The following SYNE3 variants were observed in gnomAD, a reference collection of about 807,000 sequenced individuals.
The protein encoded by SYNE3 is spectrin repeat containing nuclear envelope family member 3.
Under a neutral mutation model 111.2 loss-of-function variants are expected in SYNE3, and 100 were observed. That is an observed-to-expected ratio of 0.90 (90% CI 0.77 to 1.06). The LOEUF (loss-of-function observed/expected upper bound fraction) is 1.06. Ranked by LOEUF, SYNE3 falls within the 50% of genes least tolerant of loss-of-function variation. The probability of loss-of-function intolerance (pLI) is 0.00; values close to 1 mark genes in which losing one functional copy is unlikely to be tolerated. For missense variants in SYNE3, 1,160 were observed against 1,240.3 expected (o/e 0.94, Z 0.97); for synonymous variants, 547 against 533.9 (o/e 1.02, Z -0.34).
chr14:95,484,154 A>T (rs1889413093), intron 1 of SYNE3, among the ~76,000 whole-genome samples: 1 of 152,196 alleles, frequency 6.6e-6, no homozygotes, highest in Non-Finnish European at 1.5e-5. Context: ...GGCAACACAC[A>T]AATACAGGTG....
At position 95,449,128 on chromosome 14, in the gene SYNE3, G is replaced by A. The variant is rs192896844; in HGVS notation, c.1449+803C>T. On this transcript the variant is annotated intron_variant, in intron 8 of 17. Coordinates refer to ENST00000682763, the MANE Select transcript of SYNE3 (RefSeq NM_152592.6). ...GGCACACTGGGGACACCACAGTGACGGGCATCATGAAAGATGTTGTCTTCT... is the reference window on the plus strand; with the variant it reads ...GGCACACTGGGGACACCACAGTGACAGGCATCATGAAAGATGTTGTCTTCT... Among the ~76,000 whole-genome samples the A allele has an allele frequency of 3.9e-5, 6 of 152,256 alleles. No individual in the cohort carries two copies. In the South Asian group the frequency reaches 6.2e-4, roughly 16 times the overall value.
intron 1 of SYNE3, among the ~76,000 whole-genome samples, chr14:95,484,518 G>A (rs1307779935): frequency 2.0e-5 from 3 of 152,206 alleles, no homozygotes; most frequent in Admixed American, 6.5e-5. Flanking sequence ...TCTGCTGCAG[G>A]TCAGAGAGCA....
intron 4 of SYNE3, among the ~76,000 whole-genome samples, chr14:95,460,544 T>G (rs112011006): frequency 6.6e-6 from 1 of 152,120 alleles, no homozygotes; most frequent in Non-Finnish European, 1.5e-5. Context: ...AAAGTTATAG[T>G]AACTGAAATG....
chr14:95,496,916 A>G (rs367799801), intron 1 of SYNE3, among the ~76,000 whole-genome samples: 18 of 152,282 alleles, frequency 1.2e-4, no homozygotes, highest in African/African-American at 4.1e-4. Flanking sequence ...CTTACACCCA[A>G]ATGGTATTTT....
intron 17 of SYNE3, among the ~76,000 whole-genome samples, chr14:95,419,496 C>T (rs1740642): frequency 0.29 from 44,260 of 151,832 alleles, 7,087 homozygotes; most frequent in African/African-American, 0.41. Context: ...TGACATTCAT[C>T]ACTATTAATA....
At chr14:95,477,177 G>A (rs897009443) in intron 1 of SYNE3, among the ~76,000 whole-genome samples, 25 of 152,218 alleles carry the variant, frequency 1.6e-4, no homozygotes, top group Non-Finnish European at 2.2e-4. Context: ...CAGGAGGATC[G>A]CTTGAGCCCA....
rs1453517630 is a variant in SYNE3 at position 95,475,735 on chromosome 14, G to A, written c.87C>T (p.Val29=). 6.2e-7 allele frequency: 1 copy of A among 1,607,558 alleles called. No homozygotes were observed. The highest frequency in any genetic ancestry group is 1.3e-5 in the African/African-American group (1 of 74,818). The change falls in exon 2 of 18, where the codon GTC becomes GTT. Residue 29 remains valine (V), a synonymous_variant. Coordinates refer to ENST00000682763, the MANE Select transcript of SYNE3 (RefSeq NM_152592.6). ...CGCGGGGTCCCTGCGTGTTGTCATTGACCTGCAGCTGGTCCTGCACAGCCT... is the reference window on the plus strand; with the variant it reads ...CGCGGGGTCCCTGCGTGTTGTCATTAACCTGCAGCTGGTCCTGCACAGCCT... ...WMKAVQDQLQ[V]NDNTQGPRAA...
chr14:95,436,803 T>C lies in SYNE3; in HGVS notation c.2538+17A>G, dbSNP rs765842954. 2.5e-6 allele frequency: 4 copies of C among 1,612,986 alleles called. No individual in the cohort carries two copies. The highest frequency in any genetic ancestry group is 2.5e-6 in the Non-Finnish European group (3 of 1,179,748). On this transcript the variant is annotated intron_variant, in intron 15 of 17. Transcript: ENST00000682763. The stretch of plus-strand genomic sequence containing the variant: ...GTGCAAACCTTATGGATGAGGGACC[T>C]TTCCTGGGGAACAGACCTGCAGCTT...
chr14:95,429,069 G>A (rs1355909624), intron 17 of SYNE3, among the ~76,000 whole-genome samples: 23 of 152,234 alleles, frequency 1.5e-4, no homozygotes, highest in Admixed American at 1.4e-3. Context: ...ACGTGCATGC[G>A]TGCGCATAAC....
At chr14:95,454,033 C>G (rs138024218) in intron 6 of SYNE3, among the ~76,000 whole-genome samples, 1 of 152,236 alleles carries the variant, frequency 6.6e-6, no homozygotes, top group Non-Finnish European at 1.5e-5. Flanking sequence ...CCTGACCAGA[C>G]GCTGGATAAG....
At chr14:95,449,880 C>T (rs779986133) in intron 8 of SYNE3, 51 bp downstream of exon 8, 40 of 1,531,712 alleles carry the variant, frequency 2.6e-5, no homozygotes, top group Non-Finnish European at 3.5e-5. Flanking sequence ...AAACACCATG[C>T]CCCGCCAGTG....
chr14:95,479,168 G>C (rs1889073264), intron 1 of SYNE3, among the ~76,000 whole-genome samples: 1 of 146,778 alleles, frequency 6.8e-6, no homozygotes, highest in Non-Finnish European at 1.5e-5. Flanking sequence ...GCTGATACGG[G>C]AGGATCACTT....
At chr14:95,488,822 A>G (rs369521794) in intron 1 of SYNE3, among the ~76,000 whole-genome samples, 15 of 151,998 alleles carry the variant, frequency 9.9e-5, no homozygotes, top group African/African-American at 3.4e-4. Context: ...GTGAATTCCA[A>G]TTCCTGCACG....
At position 95,483,798 on chromosome 14, in the gene SYNE3, T is replaced by C. The variant is rs561082845; in HGVS notation, c.-14-7963A>G. Among the ~76,000 whole-genome samples the C allele has an allele frequency of 7.1e-4, 108 of 152,278 alleles. 3 individuals are homozygous for C. The South Asian group carries it at 0.022, about 31-fold the overall frequency. ...AGGTTAAGGGACTGCACCAAAGCCA[T>C]GCGGGCTGCAGGGCCACGCCACCCT... is the stretch of plus-strand genomic sequence containing the variant. On this transcript the variant is annotated intron_variant, in intron 1 of 17. Transcript: ENST00000682763.
At chr14:95,482,611 A>T (rs1447078996) in intron 1 of SYNE3, among the ~76,000 whole-genome samples, 1 of 152,130 alleles carries the variant, frequency 6.6e-6, no homozygotes, top group East Asian at 1.9e-4. Context: ...AGTTTCAGGG[A>T]GTGACTGTCA....
chr14:95,493,207 T>A (rs924323353), intron 1 of SYNE3, among the ~76,000 whole-genome samples: 1 of 152,148 alleles, frequency 6.6e-6, no homozygotes, highest in Non-Finnish European at 1.5e-5. Context: ...GCTTGAGACC[T>A]TTTTTTCCAA....
At position 95,422,725 on chromosome 14, in the gene SYNE3, C is replaced by T. The variant is rs142526979; in HGVS notation, c.2728-4699G>A. 6.3e-3 allele frequency among the ~76,000 whole-genome samples: 958 copies of T among 152,342 alleles called. 11 individuals are homozygous for T. Among genetic ancestry groups the T allele is most frequent in the African/African-American group, 0.022 (909 of 41,580 alleles). On this transcript the variant is annotated intron_variant, in intron 17 of 17. Coordinates refer to ENST00000682763, the MANE Select transcript of SYNE3 (RefSeq NM_152592.6). ...GGGAGGAGGCCCACTGAGCCAGCTGCTCTCTGGCATGGAGGGTGCGCCCGC... is the reference window on the plus strand; with the variant it reads ...GGGAGGAGGCCCACTGAGCCAGCTGTTCTCTGGCATGGAGGGTGCGCCCGC...
At position 95,417,635 on chromosome 14, in the gene SYNE3, G is replaced by A; in HGVS notation, c.*191C>T. ...CCTAGTCACATGTAGTACACATTTAGTATAAATAGACTAAGACAACACTGT... is the reference window on the plus strand; with the variant it reads ...CCTAGTCACATGTAGTACACATTTAATATAAATAGACTAAGACAACACTGT... On this transcript the variant is annotated 3_prime_UTR_variant, in exon 18 of 18. Coordinates refer to ENST00000682763, the MANE Select transcript of SYNE3 (RefSeq NM_152592.6). 1.6e-6 allele frequency: 1 copy of A among 629,102 alleles called. No homozygotes were observed. The highest frequency in any genetic ancestry group is 2.9e-6 in the Non-Finnish European group (1 of 349,910). The allele number at this position is 629,102 out of a possible 1,614,324, so 39.0% of individuals were successfully genotyped here.
chr14:95,506,170 T>A (rs558277773), intron 1 of SYNE3, among the ~76,000 whole-genome samples: 2 of 152,312 alleles, frequency 1.3e-5, no homozygotes, highest in East Asian at 3.9e-4. Context: ...TGGCAATTAC[T>A]AGTAGCCCCT....
Sources: gnomAD v4.1 joint callset for allele counts (sites outside exome capture counted in the v4.1 genomes callset) on GRCh38, gnomAD v4.1.1 for gene constraint, MANE v1.5 for transcripts, NCBI Gene and HGNC (gene_info 2026-07-23, HGNC 2026-07-21) for gene names.